ZNF385D: variants seen among roughly 807,000 people sequenced by gnomAD.
The protein encoded by ZNF385D is zinc finger protein 385D, also known as zinc finger protein 659.
In ZNF385D, 15 loss-of-function variants were observed where a neutral mutation model predicts 35.8. The ratio of observed to expected loss-of-function variants is 0.42; its 90% CI spans 0.28 to 0.64. The LOEUF (loss-of-function observed/expected upper bound fraction) is 0.64. Among genes scored for constraint, ZNF385D ranks in the 30% least tolerant of loss-of-function variants. ZNF385D has a pLI of 0.23. For synonymous variants in ZNF385D, 212 were observed against 186.8 expected (o/e 1.13, Z -1.10); for missense variants, 474 against 494.6 (o/e 0.96, Z 0.39).
intron 2 of ZNF385D, among the ~76,000 whole-genome samples, chr3:22,180,814 C>T (rs977527233): frequency 6.6e-6 from 1 of 151,892 alleles, no homozygotes; most frequent in Non-Finnish European, 1.5e-5. Flanking sequence ...CTACGACAAA[C>T]CCACAGCCAA....
intron 3 of ZNF385D, among the ~76,000 whole-genome samples, chr3:21,943,418 C>T (rs1189147891): frequency 1.3e-5 from 2 of 151,514 alleles, no homozygotes; most frequent in African/African-American, 2.4e-5. Flanking sequence ...TTATCAAATA[C>T]TGATCTTTGA....
chr3:21,957,852 A>C (rs1434040058), intron 3 of ZNF385D, among the ~76,000 whole-genome samples: 1 of 152,120 alleles, frequency 6.6e-6, no homozygotes, highest in Non-Finnish European at 1.5e-5. Context: ...TCCAACCTTC[A>C]CCACCATTCA....
chr3:22,085,257 T>G (rs947889639), intron 3 of ZNF385D, among the ~76,000 whole-genome samples: 2 of 151,986 alleles, frequency 1.3e-5, no homozygotes, highest in Non-Finnish European at 2.9e-5. Context: ...GATAGAATCA[T>G]AAAAAACCCT....
intron 2 of ZNF385D, among the ~76,000 whole-genome samples, chr3:22,260,288 T>G (rs1700556097): frequency 6.6e-6 from 1 of 151,790 alleles, no homozygotes; most frequent in African/African-American, 2.4e-5. Flanking sequence ...AGTTGAACAA[T>G]GAGAACACAT....
At chr3:21,771,487 G>GA (rs1334726048) in intron 3 of ZNF385D, among the ~76,000 whole-genome samples, 4 of 151,756 alleles carry the variant, frequency 2.6e-5, no homozygotes, top group South Asian at 4.2e-4. Context: ...CATTCAAAAG[G>GA]AAAAAATAAG....
chr3:21,885,933 T>C (rs1575838576), intron 3 of ZNF385D, among the ~76,000 whole-genome samples: 1 of 152,220 alleles, frequency 6.6e-6, no homozygotes, highest in East Asian at 1.9e-4. Context: ...CTTCAGTTAA[T>C]TGGATAAGGT....
At position 22,279,471 on chromosome 3, in the gene ZNF385D, G is replaced by GTATA. The variant is rs150215075; in HGVS notation, c.106+92975_106+92978dup. Among the ~76,000 whole-genome samples, 184 of 133,472 alleles carry GTATA rather than the reference G, an allele frequency of 1.4e-3. 3 individuals carry two copies. The highest frequency in any genetic ancestry group is 4.6e-3 in the African/African-American group (163 of 35,192). 87.6% of individuals were successfully genotyped at this position (133,472 alleles called of 152,430 possible). ...TTTTAAGGCTGAATAGTATTCCACA[G>GTATA]TATATATATATATATGGAATATACA... On this transcript the variant is annotated intron_variant, in intron 2 of 5. Transcript: ENST00000494108.
chr3:21,969,145 G>T (rs1330521270), intron 3 of ZNF385D, among the ~76,000 whole-genome samples: 1 of 152,138 alleles, frequency 6.6e-6, no homozygotes, highest in South Asian at 2.1e-4. Context: ...AAATGGGGAG[G>T]AAAGAATGGT....
chr3:21,637,662 C>T (rs1220934441), intron 2 of ZNF385D, among the ~76,000 whole-genome samples: 5 of 152,108 alleles, frequency 3.3e-5, no homozygotes, highest in African/African-American at 1.2e-4. Flanking sequence ...AGAGCACTAA[C>T]ACCAGTCCAC....
At chr3:22,115,724 A>G (rs1486885080) in intron 3 of ZNF385D, among the ~76,000 whole-genome samples, 1 of 152,080 alleles carries the variant, frequency 6.6e-6, no homozygotes. Flanking sequence ...ATGTAGTAGT[A>G]GATTTCCTAA....
intron 3 of ZNF385D, among the ~76,000 whole-genome samples, chr3:22,152,202 G>A (rs1228298251): frequency 6.6e-6 from 1 of 152,084 alleles, no homozygotes; most frequent in Non-Finnish European, 1.5e-5. Flanking sequence ...TTTTATGGCT[G>A]CATAGTAATT....
At chr3:21,807,405 A>C (rs1281133808) in intron 3 of ZNF385D, among the ~76,000 whole-genome samples, 8 of 152,182 alleles carry the variant, frequency 5.3e-5, no homozygotes, top group African/African-American at 1.9e-4. Flanking sequence ...TTTATGGTGT[A>C]AACAATTGCA....
intron 1 of ZNF385D, among the ~76,000 whole-genome samples, chr3:21,694,026 G>A (rs1031986860): frequency 3.5e-5 from 2 of 57,056 alleles, no homozygotes; most frequent in Non-Finnish European, 8.0e-5. Context: ...CTACAGGCGC[G>A]TGCCACTACG....
intron 3 of ZNF385D, among the ~76,000 whole-genome samples, chr3:21,921,981 T>C (rs1298642793): frequency 1.3e-5 from 2 of 152,116 alleles, no homozygotes; most frequent in African/African-American, 2.4e-5. Context: ...AAGCACTTCT[T>C]CCTAACTCAT....
At position 21,508,619 on chromosome 3, in the gene ZNF385D, T is replaced by C. The variant is rs180992187; in HGVS notation, c.439+2242A>G. Among the ~76,000 whole-genome samples, 442 of 152,280 alleles carry C rather than the reference T, an allele frequency of 2.9e-3. 2 individuals carry two copies. Among genetic ancestry groups the C allele is most frequent in the African/African-American group, 0.01 (422 of 41,556 alleles). ...TGAGTATTAAATCCTCAGTATAAAA[T>C]GTTAAATATACCTTTCCCAAAAGAA... On this transcript the variant is annotated intron_variant, in intron 4 of 7. Coordinates refer to ENST00000281523, the MANE Select transcript of ZNF385D (RefSeq NM_024697.3).
intron 3 of ZNF385D, among the ~76,000 whole-genome samples, chr3:21,872,673 C>T (rs996570160): frequency 6.6e-6 from 1 of 152,158 alleles, no homozygotes; most frequent in East Asian, 1.9e-4. Context: ...TACAATGTGG[C>T]AAAATGGCCT....
At chr3:22,289,800 G>A (rs892669796) in intron 2 of ZNF385D, among the ~76,000 whole-genome samples, 2 of 152,084 alleles carry the variant, frequency 1.3e-5, no homozygotes, top group Non-Finnish European at 2.9e-5. Flanking sequence ...GTAATCGATA[G>A]ACCTGGATTT....
chr3:21,687,178 C>T (rs1032824472), intron 1 of ZNF385D, among the ~76,000 whole-genome samples: 14 of 152,248 alleles, frequency 9.2e-5, no homozygotes, highest in Middle Eastern at 3.4e-3. Flanking sequence ...CCAGCAGCAA[C>T]CTCCAGAAAC....
intron 3 of ZNF385D, among the ~76,000 whole-genome samples, chr3:21,816,509 T>C (rs117261193): frequency 0.28 from 42,211 of 152,000 alleles, 6,276 homozygotes; most frequent in Non-Finnish European, 0.34. Context: ...AATATGCAAA[T>C]ATCACAAGCA....
Sources: gnomAD v4.1 joint callset for allele counts (sites outside exome capture counted in the v4.1 genomes callset) on GRCh38, gnomAD v4.1.1 for gene constraint, MANE v1.5 for transcripts, NCBI Gene and HGNC (gene_info 2026-07-23, HGNC 2026-07-21) for gene names.